AMN: variants seen among roughly 807,000 people sequenced by gnomAD.
AMN encodes the protein amnion associated transmembrane protein.
AMN carries 40 observed loss-of-function variants against 49.1 expected under a neutral mutation model. The observed-to-expected ratio is 0.81, with a 90% CI of 0.63 to 1.06. The LOEUF (loss-of-function observed/expected upper bound fraction) is 1.06. Among genes scored for constraint, AMN ranks in the 50% least tolerant of loss-of-function variants. AMN has a pLI of 0.00. For synonymous variants in AMN, 380 were observed against 313.3 expected, an observed-to-expected ratio of 1.21 and a Z score of -2.25; for missense variants, 701 against 662.8, an observed-to-expected ratio of 1.06 and a Z score of -0.63.
At chr14:102,926,554 C>G (rs1891191635) in intron 3 of AMN, among the ~76,000 whole-genome samples, 1 of 151,432 alleles carries the variant, frequency 6.6e-6, no homozygotes, top group Middle Eastern at 3.2e-3. Flanking sequence ...CAGGTAACAA[C>G]TACCACCACC....
intron 1 of AMN, chr14:102,923,366 T>A (rs1315822217): frequency 2.9e-5 from 11 of 380,310 alleles, no homozygotes; most frequent in Non-Finnish European, 3.5e-5. Context: ...TGCTGCCCCA[T>A]CCTCCTCCAT....
rs747751960 is a variant in AMN, at chr14:102,929,552, G to A, written c.760+16G>A. 5.8e-6 allele frequency: 9 copies of A among 1,541,810 alleles called. No individual in the cohort carries two copies. Among genetic ancestry groups the A allele is most frequent in the African/African-American group, 5.5e-5 (4 of 72,970 alleles). ...GACCTCTGTGGTAAGCGCCCCCGCC[G>A]GGCCCTGCTTGCTGGGAAGGCCTGG... On this transcript the variant is annotated intron_variant, in intron 7 of 11. Coordinates refer to ENST00000299155, the MANE Select transcript of AMN (RefSeq NM_030943.4).
Position 102,930,655 on chromosome 14 carries a change from T to TC in AMN, c.1338dup (p.Ala447ArgfsTer?), listed in dbSNP as rs1238263713. 1 of 1,563,128 alleles carries TC rather than the reference T, an allele frequency of 6.4e-7. No individual in the cohort carries two copies. Among genetic ancestry groups the TC allele is most frequent in the Non-Finnish European group, 8.7e-7 (1 of 1,154,054 alleles). On this transcript the variant is annotated frameshift_variant, in exon 12 of 12. Coordinates refer to ENST00000299155, the MANE Select transcript of AMN (RefSeq NM_030943.4). LOFTEE classifies it high-confidence loss of function. ...CACAGTTACTTCGTCAACCCTCTGT[T>TC]CGCCGGGGCCGAGGCCGAGGCCTGA...
chr14:102,927,157 G>C (rs940488929), intron 3 of AMN, among the ~76,000 whole-genome samples: 1 of 152,182 alleles, frequency 6.6e-6, no homozygotes, highest in Non-Finnish European at 1.5e-5. Context: ...GCCTTCCAAA[G>C]TGTTGGGATT....
chr14:102,930,514 A>C, intron 11 of AMN, 21 bp downstream of exon 11: 1 of 1,538,276 alleles, frequency 6.5e-7, no homozygotes, highest in Non-Finnish European at 8.7e-7. Context: ...TGGAGGGGGG[A>C]CCGGGGCCTC....
chr14:102,923,746 A>C lies in AMN; in HGVS notation c.79A>C (p.Asn27His), dbSNP rs781165782. The C allele has an allele frequency of 1.8e-5, 29 of 1,612,658 alleles. No homozygotes were observed. Among genetic ancestry groups the C allele is most frequent in the Non-Finnish European group, 2.4e-5 (28 of 1,179,868 alleles). ...TQAVSKLWVP[N>H]TDFDVAANWS... ...GGCGGTCTCCAAACTCTGGGTCCCCAACACGGACTTCGACGTCGCAGCCAA... is the reference window on the plus strand; with the variant it reads ...GGCGGTCTCCAAACTCTGGGTCCCCCACACGGACTTCGACGTCGCAGCCAA... Residue 27 changes from asparagine (N) to histidine (H), a missense_variant, in exon 2 of 12, where the codon AAC becomes CAC. By Grantham distance (68) the Asn-to-His change is moderately conservative. Coordinates refer to ENST00000299155, the MANE Select transcript of AMN (RefSeq NM_030943.4).
intron 1 of AMN, chr14:102,923,437 G>GA (rs1891107902): frequency 4.2e-6 from 2 of 478,004 alleles, no homozygotes. Flanking sequence ...GCAAACTGGG[G>GA]GCAGTGCCGG....
At chr14:102,923,576 G>A (rs867398993) in intron 1 of AMN, 135 bp from the exon 2 acceptor site, 4 of 851,166 alleles carry the variant, frequency 4.7e-6, no homozygotes, top group Middle Eastern at 3.4e-4. Flanking sequence ...GTCTGGGTCC[G>A]GGCCCCCGGG....
chr14:102,923,047 C>G (rs1027665362), intron 1 of AMN: 1 of 362,720 alleles, frequency 2.8e-6, no homozygotes, highest in Non-Finnish European at 5.1e-6. Context: ...CAGAACCTGC[C>G]GAGAGCAGCG....
intron 5 of AMN, 45 bp downstream of exon 5, chr14:102,929,020 C>T (rs1252699683): frequency 1.3e-6 from 2 of 1,594,358 alleles, no homozygotes; most frequent in Non-Finnish European, 1.7e-6. Flanking sequence ...CTCCCCACCT[C>T]GGCCCGACCC....
chr14:102,924,178 G>C (rs1891135678), intron 3 of AMN, among the ~76,000 whole-genome samples, 199 bp downstream of exon 3: 1 of 152,156 alleles, frequency 6.6e-6, no homozygotes, highest in Admixed American at 6.5e-5. Flanking sequence ...TCCCAGCCAG[G>C]CTGTGTCCTG....
chr14:102,929,053 T>C, intron 5 of AMN, 68 bp from the exon 6 acceptor site: 2 of 1,596,716 alleles, frequency 1.3e-6, no homozygotes, highest in Middle Eastern at 1.7e-4. Context: ...TCTGCACACG[T>C]TGGGTCTGAG....
chr14:102,928,547 A>G (rs1383124307), intron 4 of AMN, 34 bp downstream of exon 4: 1 of 1,580,314 alleles, frequency 6.3e-7, no homozygotes, highest in Non-Finnish European at 8.6e-7. Context: ...GGCTCTGGAA[A>G]GGCATGTTCA....
Position 102,928,805 on chromosome 14 carries a change from C to A in AMN, c.343C>A (p.Pro115Thr), listed in dbSNP as rs762369943. The change falls in exon 5 of 12, where the codon CCG (proline) becomes ACG (threonine). Residue 115 changes from proline (P) to threonine (T), a missense_variant. Physicochemically the swap from Pro to Thr is conservative, Grantham distance 38. Transcript: ENST00000299155. ...CTCTGACCGCTTCTCCTGGCATGAC[C>A]CGCACCTGTGGCGCTCTGGGGACGA... is the stretch of plus-strand genomic sequence containing the variant. ...RDSDRFSWHD[P>T]HLWRSGDEAP... The A allele has an allele frequency of 1.9e-6, 3 of 1,608,284 alleles. No individual in the cohort carries two copies. The highest frequency in any genetic ancestry group is 1.6e-4 in the Middle Eastern group (1 of 6,062).
rs1168777965 is a variant in AMN at position 102,930,831 on chromosome 14, G to GTGT, written c.*153_*155dup. ...GACAGGGTGGCCTTACTCAGTAAAG[G>GTGT]TGTTTCCTGCACCTGCTGTCAGCCT... is the stretch of plus-strand genomic sequence containing the variant. On this transcript the variant is annotated 3_prime_UTR_variant, in exon 12 of 12. Transcript: ENST00000299155. The GTGT allele has an allele frequency of 3.4e-5, 30 of 886,600 alleles. No individual in the cohort carries two copies. The African/African-American group carries it at 4.8e-4, about 14-fold the overall frequency. 54.9% of individuals were successfully genotyped at this position (886,600 alleles called of 1,614,324 possible).
At chr14:102,923,895 G>T in intron 2 of AMN, 40 bp from the exon 3 acceptor site, 1 of 1,613,058 alleles carries the variant, frequency 6.2e-7, no homozygotes, top group South Asian at 1.1e-5. Flanking sequence ...GCCCCGGTGG[G>T]GGTTGCTCCC....
At chr14:102,928,582 C>A (rs1326014163) in intron 4 of AMN, 69 bp downstream of exon 4, 4 of 1,533,834 alleles carry the variant, frequency 2.6e-6, no homozygotes, top group South Asian at 2.3e-5. Flanking sequence ...AGGGAAGGCG[C>A]GTCGAGGGGG....
chr14:102,929,462 C>T lies in AMN; in HGVS notation c.686C>T (p.Pro229Leu). The change falls in exon 7 of 12, where the codon CCC (proline) becomes CTC (leucine). Residue 229 changes from proline (P) to leucine (L), a missense_variant. By Grantham distance (98) the Pro-to-Leu change is moderately conservative. Transcript: ENST00000299155. ...QPWICAALLQ[P>L]LGGRCPQAAC... ...TGGATCTGCGCGGCCCTGCTCCAGC[C>T]CCTGGGCGGCCGCTGCCCCCAGGCC... 6 of 1,531,364 alleles carry T rather than the reference C, an allele frequency of 3.9e-6. No individual in the cohort carries two copies. In the South Asian group the frequency reaches 4.8e-5, roughly 12 times the overall value. 94.9% of individuals were successfully genotyped at this position (1,531,364 alleles called of 1,614,324 possible).
rs772080788 is a variant in AMN at position 102,929,990 on chromosome 14, G to A, written c.910G>A (p.Asp304Asn). The A allele has an allele frequency of 6.4e-7, 1 of 1,563,218 alleles. No individual in the cohort carries two copies. The highest frequency in any genetic ancestry group is 1.2e-5 in the South Asian group (1 of 84,814). The change falls in exon 9 of 12, where the codon GAT (aspartate) becomes AAT (asparagine). Residue 304 changes from aspartate to asparagine, a missense_variant. Asp to Asn is a conservative substitution (Grantham distance 23). Transcript: ENST00000299155. ...VPRSSRLREA[D>N]TEIQVVLVEN... ...ACGCTCGTCCCGGCTCCGTGAGGCC[G>A]ATACGGAGATCCAGGTGGTGCTGGT...
Sources: gnomAD v4.1 joint callset for allele counts (sites outside exome capture counted in the v4.1 genomes callset) on GRCh38, gnomAD v4.1.1 for gene constraint, MANE v1.5 for transcripts, NCBI Gene and HGNC (gene_info 2026-07-23, HGNC 2026-07-21) for gene names.